Variants in PTPN18 observed in about 807,000 individuals in gnomAD.
The protein encoded by PTPN18 is tyrosine-protein phosphatase non-receptor type 18.
In PTPN18, 65 loss-of-function variants were observed where a neutral mutation model predicts 65.4. The ratio of observed to expected loss-of-function variants is 0.99; its 90% confidence interval spans 0.81 to 1.22. The LOEUF is 1.22. PTPN18 is among the 50% of genes most tolerant of loss of function. The pLI, the probability that PTPN18 is intolerant of heterozygous loss-of-function variation, is 0.00. For missense variants in PTPN18, 616 were observed against 646.5 expected (o/e 0.95, Z 0.51); for synonymous variants, 255 against 267.8 (o/e 0.95, Z 0.47).
chr2:130,370,467 C>T, intron 8 of PTPN18, 90 bp from the exon 9 acceptor site: 1 of 1,428,302 alleles, frequency 7.0e-7, no homozygotes. Flanking sequence ...GCAGGGGATC[C>T]ATCAGGACCC....
chr2:130,361,520 T>TTCTTTCTTTCTTTC (rs1680197587), intron 5 of PTPN18, among the ~76,000 whole-genome samples: 2 of 51,538 alleles, frequency 3.9e-5, no homozygotes, highest in African/African-American at 1.3e-4. Flanking sequence ...TTCTCTTTCT[T>TTCTTTCTTTCTTTC]TCTTTCTTTC....
intron 2 of PTPN18, 47 bp from the exon 3 acceptor site, chr2:130,359,186 A>G (rs1174071155): frequency 6.2e-7 from 1 of 1,606,772 alleles, no homozygotes; most frequent in Non-Finnish European, 8.5e-7. Context: ...AGGCTCCGTC[A>G]CCCTATCCTA....
rs4380289 is a variant in PTPN18, at chr2:130,371,273, A to C, written c.999A>C (p.Pro333=). 1,983 of 1,600,680 alleles carry C rather than the reference A, an allele frequency of 1.2e-3. 23 individuals are homozygous for C. In the African/African-American group the frequency reaches 0.024, roughly 20 times the overall value. ...CACTTCTCGCCATACCCCGCCCACCAGGAGGGGTCCTCAGGTACCCGGCTC... is the reference window on the plus strand; with the variant it reads ...CACTTCTCGCCATACCCCGCCCACCCGGAGGGGTCCTCAGGTACCCGGCTC... ...PQALLAIPRP[P]GGVLRSISVP... is the part of the protein sequence containing the mutation. Residue 333 remains proline (P), a synonymous_variant, in exon 12 of 15, where the codon CCA becomes CCC. Transcript: ENST00000175756.
In PTPN18 at chr2:130,370,035, T is replaced by C. The variant is rs757292846; in HGVS notation, c.547-13T>C. 5 of 1,612,308 alleles carry C rather than the reference T, an allele frequency of 3.1e-6. No individual in the cohort carries two copies. The highest frequency in any genetic ancestry group is 1.7e-6 in the Non-Finnish European group (2 of 1,178,956). On this transcript the variant is annotated splice_polypyrimidine_tract_variant and intron_variant, in intron 7 of 14. Coordinates refer to ENST00000175756, the MANE Select transcript of PTPN18 (RefSeq NM_014369.4). ...TTTCCTAAGTCTTTTGCTCATCTTT[T>C]TCTGTGTTTCAGGAGTCCCGTTCTG...
chr2:130,372,412 G>A lies in PTPN18; in HGVS notation c.1169G>A (p.Ser390Asn). 7.3e-7 allele frequency: 1 copy of A among 1,368,454 alleles called. No homozygotes were observed. 84.8% of individuals were successfully genotyped at this position (1,368,454 alleles called of 1,614,324 possible). Residue 390 changes from serine (S) to asparagine (N), a missense_variant, in exon 13 of 15, where the codon AGC (serine) becomes AAC (asparagine). This residue lies in a region of PTPN18 where 368 missense variants were observed against 386.7 expected (regional missense o/e 0.95). Transcript: ENST00000175756. ...ARSAEEAPLY[S>N]KVTPRAQRPG... is the part of the protein sequence containing the mutation. ...AGCGCGGAGGAGGCGCCGCTCTACA[G>A]CAAGGTGACGCCGCGCGCCCAGCGA... is the stretch of plus-strand genomic sequence containing the variant.
intron 8 of PTPN18, 177 bp downstream of exon 8, chr2:130,370,367 C>T: frequency 9.0e-7 from 1 of 1,106,654 alleles, no homozygotes; most frequent in Non-Finnish European, 1.3e-6. Flanking sequence ...GGGGAATAAG[C>T]ACACAGCTCT....
At position 130,359,255 on chromosome 2, in the gene PTPN18, C is replaced by G. The variant is rs781382448; in HGVS notation, c.225C>G (p.Leu75=). The G allele has an allele frequency of 6.2e-7, 1 of 1,614,170 alleles. No individual in the cohort carries two copies. The highest frequency in any genetic ancestry group is 1.1e-5 in the South Asian group (1 of 91,088). Residue 75 remains leucine (L), a synonymous_variant, in exon 3 of 15, where the codon CTC becomes CTG. Coordinates refer to ENST00000175756, the MANE Select transcript of PTPN18 (RefSeq NM_014369.4). ...CAGATGATCAGACGCGAGTAATCCT[C>G]TCCCTGCTCCAGGAAGAGGGACACA... is the stretch of plus-strand genomic sequence containing the variant. ...VLPYDQTRVI[L]SLLQEEGHSD...
intron 13 of PTPN18, 170 bp from the exon 14 acceptor site, chr2:130,372,698 ACTTGT>A (rs949179241): frequency 5.0e-5 from 48 of 967,938 alleles, no homozygotes; most frequent in Middle Eastern, 3.3e-4. Context: ...TCCTGGCAAT[ACTTGT>A]CTTGGCCGCG....
At chr2:130,371,031 G>A in intron 11 of PTPN18, 67 bp downstream of exon 11, 1 of 1,537,112 alleles carries the variant, frequency 6.5e-7, no homozygotes, top group Non-Finnish European at 8.9e-7. Context: ...ACCCCGAGCA[G>A]GGTCCAGCCC....
intron 8 of PTPN18, 45 bp from the exon 9 acceptor site, chr2:130,370,508 AGGGG>A: frequency 1.9e-6 from 3 of 1,605,324 alleles, no homozygotes; most frequent in Non-Finnish European, 2.6e-6. Flanking sequence ...CCCATCTAAA[AGGGG>A]TTGTGGTCAG....
intron 5 of PTPN18, among the ~76,000 whole-genome samples, chr2:130,368,370 A>G (rs1357565270): frequency 6.6e-6 from 1 of 152,180 alleles, no homozygotes; most frequent in African/African-American, 2.4e-5. Context: ...TGGATGGTTG[A>G]TCAAGTAGCC....
chr2:130,367,627 T>C (rs925064907), intron 5 of PTPN18, among the ~76,000 whole-genome samples: 3 of 152,124 alleles, frequency 2.0e-5, no homozygotes, highest in Non-Finnish European at 4.4e-5. Flanking sequence ...TGAGCCGAGA[T>C]TGAGCCACTG....
At position 130,359,086 on chromosome 2, in the gene PTPN18, T is replaced by C. The variant is rs556062231; in HGVS notation, c.202+111T>C. ...GTGCTCTCCTCCCAGAGCCTCACCC[T>C]CTGCACTGCTCAGCAGCCCACAAGG... On this transcript the variant is annotated intron_variant, in intron 2 of 14. Transcript: ENST00000175756. The C allele has an allele frequency of 7.6e-6, 11 of 1,446,004 alleles. No homozygotes were observed. The Admixed American group carries it at 2.0e-4, about 26-fold the overall frequency. 89.6% of individuals were successfully genotyped at this position (1,446,004 alleles called of 1,614,324 possible). A position where few individuals can be genotyped will look rare whatever the true frequency, so the allele number is the denominator to read the frequency against.
chr2:130,363,275 C>T (rs188414988), intron 5 of PTPN18, among the ~76,000 whole-genome samples: 2 of 151,428 alleles, frequency 1.3e-5, no homozygotes, highest in Middle Eastern at 3.2e-3. Flanking sequence ...AGTGAAACCC[C>T]GTCTCTACTA....
intron 7 of PTPN18, 45 bp from the exon 8 acceptor site, chr2:130,370,003 T>C (rs766233519): frequency 6.2e-7 from 1 of 1,605,960 alleles, no homozygotes; most frequent in Admixed American, 1.7e-5. Context: ...AATGCTTTTT[T>C]CTTTTTTTTC....
At chr2:130,363,915 C>G (rs1680305894) in intron 5 of PTPN18, among the ~76,000 whole-genome samples, 1 of 151,690 alleles carries the variant, frequency 6.6e-6, no homozygotes, top group East Asian at 1.9e-4. Context: ...TTGAGGGTCC[C>G]CATTTCTTCT....
chr2:130,372,512 C>G, intron 13 of PTPN18, 29 bp downstream of exon 13: 2 of 1,391,596 alleles, frequency 1.4e-6, no homozygotes, highest in South Asian at 1.6e-5. Context: ...CTTCTCAGGG[C>G]ATCATCCTGC....
rs1315879494 is a variant in PTPN18, at chr2:130,371,182, C to A, written c.925-17C>A. 1.3e-6 allele frequency: 2 copies of A among 1,583,828 alleles called. No individual in the cohort carries two copies. The highest frequency in any genetic ancestry group is 1.7e-6 in the Non-Finnish European group (2 of 1,155,546). On this transcript the variant is annotated splice_polypyrimidine_tract_variant and intron_variant, in intron 11 of 14. Transcript: ENST00000175756. Reference sequence around the variant, plus strand: ...CAGCTTCCTCCCTCAGGAGCCTCCCCTCCTGTTTTTCTTCAGAATTGTGCC... The same window carrying A: ...CAGCTTCCTCCCTCAGGAGCCTCCCATCCTGTTTTTCTTCAGAATTGTGCC...
chr2:130,375,124 A>C lies in PTPN18; in HGVS notation c.*1900A>C. On this transcript the variant is annotated 3_prime_UTR_variant, in exon 15 of 15. Coordinates refer to ENST00000175756, the MANE Select transcript of PTPN18 (RefSeq NM_014369.4). ...CTCCCACTCTCCCAATGCCCCTGCCACTCCTGTGAGCCTGCTGCTGGTGAG... is the reference window on the plus strand; with the variant it reads ...CTCCCACTCTCCCAATGCCCCTGCCCCTCCTGTGAGCCTGCTGCTGGTGAG... The C allele has an allele frequency of 5.7e-6, 1 of 174,506 alleles. No individual in the cohort carries two copies. Among genetic ancestry groups the C allele is most frequent in the Non-Finnish European group, 1.2e-5 (1 of 81,700 alleles). The allele number at this position is 174,506 out of a possible 1,614,324, so 10.8% of individuals were successfully genotyped here. A position where few individuals can be genotyped will look rare whatever the true frequency, so the allele number is the denominator to read the frequency against.
Sources: allele counts gnomAD v4.1 joint callset (sites outside exome capture counted in the v4.1 genomes callset), GRCh38; gene constraint gnomAD v4.1.1; regional missense constraint gnomAD v4.1.1; transcripts MANE v1.5; gene names NCBI Gene and HGNC (gene_info 2026-07-23, HGNC 2026-07-21).